The following SLC16A10 variants were observed in gnomAD, a reference collection of about 807,000 sequenced individuals.
SLC16A10 encodes the protein monocarboxylate transporter 10.
SLC16A10 carries 27 observed loss-of-function variants against 40.0 expected under a neutral mutation model. The observed-to-expected ratio is 0.67, with a 90% CI of 0.50 to 0.93. SLC16A10 has a LOEUF of 0.93. Among genes scored for constraint, SLC16A10 ranks in the 40% least tolerant of loss-of-function variants. The pLI is 0.00. For missense variants in SLC16A10, 529 were observed against 658.2 expected (o/e 0.80, Z 2.15); for synonymous variants, 213 against 249.8 (o/e 0.85, Z 1.39).
At chr6:111,111,176 T>C (rs1277247859) in intron 1 of SLC16A10, among the ~76,000 whole-genome samples, 3 of 152,230 alleles carry the variant, frequency 2.0e-5, no homozygotes, top group African/African-American at 7.2e-5. Flanking sequence ...GGGCAAATTT[T>C]ATGCTATAAA....
chr6:111,221,689 T>C (rs372042658), intron 5 of SLC16A10, among the ~76,000 whole-genome samples: 1 of 151,590 alleles, frequency 6.6e-6, no homozygotes, highest in Non-Finnish European at 1.5e-5. Context: ...AAGGCCTGCA[T>C]GAGCCATGAT....
chr6:111,088,229 G>A lies in SLC16A10; in HGVS notation c.343+134G>A, dbSNP rs1019935570. 58 of 857,610 alleles carry A rather than the reference G, an allele frequency of 6.8e-5. 1 individual carries two copies. The highest frequency in any genetic ancestry group is 9.2e-5 in the Non-Finnish European group (53 of 575,260). The allele number at this position is 857,610 out of a possible 1,614,324, so 53.1% of individuals were successfully genotyped here. On this transcript the variant is annotated intron_variant, in intron 1 of 5. Coordinates refer to ENST00000368851, the MANE Select transcript of SLC16A10 (RefSeq NM_018593.5). Reference sequence around the variant, plus strand: ...CTGTGCCAGAGGGTGCGAGCAGGGGGGTCTTTCGAGTTGCAGACAGAGCCT... The same window carrying A: ...CTGTGCCAGAGGGTGCGAGCAGGGGAGTCTTTCGAGTTGCAGACAGAGCCT...
intron 1 of SLC16A10, among the ~76,000 whole-genome samples, chr6:111,109,381 C>T (rs1203017146): frequency 6.6e-6 from 1 of 151,482 alleles, no homozygotes; most frequent in Non-Finnish European, 1.5e-5. Flanking sequence ...TGAGATTTCT[C>T]CTTGTTGTGG....
chr6:111,087,675 C>T lies in SLC16A10; in HGVS notation c.-78C>T. ...TCGGCCTCGTTAGCCCGCCAGGAGC[C>T]CCGCAGCTCCTCCGGGAGCCCGCTG... On this transcript the variant is annotated 5_prime_UTR_variant, in exon 1 of 6. Transcript: ENST00000368851. 1.2e-6 allele frequency: 1 copy of T among 852,984 alleles called. No individual in the cohort carries two copies. Among genetic ancestry groups the T allele is most frequent in the Non-Finnish European group, 1.5e-6 (1 of 654,382 alleles). 52.8% of individuals were successfully genotyped at this position (852,984 alleles called of 1,614,324 possible). A position where few individuals can be genotyped will look rare whatever the true frequency, so the allele number is the denominator to read the frequency against.
chr6:111,215,094 G>C (rs1386174844), intron 4 of SLC16A10, among the ~76,000 whole-genome samples: 1 of 151,810 alleles, frequency 6.6e-6, no homozygotes, highest in African/African-American at 2.4e-5. Context: ...ACTCCAGCCT[G>C]GGTGACAGAG....
intron 1 of SLC16A10, among the ~76,000 whole-genome samples, chr6:111,100,643 A>G (rs922537340): frequency 6.6e-6 from 1 of 152,000 alleles, no homozygotes; most frequent in African/African-American, 2.4e-5. Flanking sequence ...TCGGCCTACC[A>G]AAGTGCTGTG....
chr6:111,146,430 T>C (rs1772077749), intron 1 of SLC16A10, among the ~76,000 whole-genome samples: 1 of 152,164 alleles, frequency 6.6e-6, no homozygotes, highest in Non-Finnish European at 1.5e-5. Flanking sequence ...TTTAGGTGTA[T>C]ACCCAAGACA....
chr6:111,117,083 G>A (rs952983149), intron 1 of SLC16A10, among the ~76,000 whole-genome samples: 9 of 151,980 alleles, frequency 5.9e-5, no homozygotes, highest in Non-Finnish European at 7.4e-5. Flanking sequence ...AGGTGTGGTG[G>A]GTCATGCCTG....
intron 1 of SLC16A10, among the ~76,000 whole-genome samples, chr6:111,155,501 A>C (rs1772255278): frequency 1.3e-5 from 2 of 152,136 alleles, no homozygotes; most frequent in African/African-American, 4.8e-5. Context: ...CGCCTGGCCC[A>C]AAAAACATAA....
rs554914010 is a variant in SLC16A10 at position 111,144,744 on chromosome 6, A to C, written c.344-27951A>C. Among the ~76,000 whole-genome samples, 4 of 152,346 alleles carry C rather than the reference A, an allele frequency of 2.6e-5. No individual in the cohort carries two copies. In the East Asian group the frequency reaches 7.7e-4, roughly 29 times the overall value. ...ATTGCAGTGATGTTGGCACAGGTAC[A>C]TCCATATGTCAAGATTTCTTGTTGA... On this transcript the variant is annotated intron_variant, in intron 1 of 5. Transcript: ENST00000368851.
chr6:111,093,779 T>C (rs1446249693), intron 1 of SLC16A10, among the ~76,000 whole-genome samples: 1 of 152,202 alleles, frequency 6.6e-6, no homozygotes, highest in Non-Finnish European at 1.5e-5. Context: ...CTGATTGTTA[T>C]TTACACTGGA....
intron 4 of SLC16A10, among the ~76,000 whole-genome samples, chr6:111,208,056 C>T (rs1773283660): frequency 6.6e-6 from 1 of 152,156 alleles, no homozygotes; most frequent in Non-Finnish European, 1.5e-5. Context: ...GCAGCCTCAA[C>T]ATCCCGGGCT....
chr6:111,180,766 C>T (rs572354722), intron 3 of SLC16A10, among the ~76,000 whole-genome samples: 1 of 151,638 alleles, frequency 6.6e-6, no homozygotes, highest in African/African-American at 2.4e-5. Flanking sequence ...ATGATTGTGC[C>T]ACTGCACGCC....
intron 1 of SLC16A10, among the ~76,000 whole-genome samples, chr6:111,098,607 G>A (rs1216390950): frequency 6.6e-6 from 1 of 152,090 alleles, no homozygotes; most frequent in African/African-American, 2.4e-5. Context: ...TGACTTTTCT[G>A]TGTAGATAAG....
intron 4 of SLC16A10, among the ~76,000 whole-genome samples, chr6:111,210,597 T>G: frequency 6.6e-6 from 1 of 152,118 alleles, no homozygotes. Context: ...CCTGAGTTCC[T>G]AAAGCAAGCC....
rs1347721068 is a variant in SLC16A10, at chr6:111,223,063, G to T, written c.*828G>T. 1.4e-5 allele frequency: 2 copies of T among 142,320 alleles called. No individual in the cohort carries two copies. Among genetic ancestry groups the T allele is most frequent in the African/African-American group, 5.0e-5 (2 of 39,924 alleles). The allele number at this position is 142,320 out of a possible 1,614,324, so 8.8% of individuals were successfully genotyped here. ...TAGAATTTTTCTGACTTCTGGATTT[G>T]TTGGCACTAGAACCTGATATTTAAA... On this transcript the variant is annotated 3_prime_UTR_variant, in exon 6 of 6. Coordinates refer to ENST00000368851, the MANE Select transcript of SLC16A10 (RefSeq NM_018593.5).
chr6:111,192,314 G>A (rs117080580), intron 3 of SLC16A10, among the ~76,000 whole-genome samples: 2,904 of 152,184 alleles, frequency 0.019, 31 homozygotes, highest in Admixed American at 0.035. Context: ...TCTTTGTATA[G>A]CAAGTGTGAC....
chr6:111,203,778 A>C (rs532608281), intron 3 of SLC16A10, among the ~76,000 whole-genome samples: 3 of 143,974 alleles, frequency 2.1e-5, no homozygotes, highest in African/African-American at 7.4e-5. Flanking sequence ...TAGTTGAAAA[A>C]CTAAGTTCCT....
At chr6:111,217,449 G>GTTGT (rs138661224) in intron 4 of SLC16A10, among the ~76,000 whole-genome samples, 42,519 of 151,856 alleles carry the variant, frequency 0.28, 6,029 homozygotes, top group Non-Finnish European at 0.31. Context: ...TGTTGTTGTT[G>GTTGT]TTGTTGTTGT....
Sources: gnomAD v4.1 joint callset for allele counts (sites outside exome capture counted in the v4.1 genomes callset) on GRCh38, gnomAD v4.1.1 for gene constraint, MANE v1.5 for transcripts, NCBI Gene and HGNC (gene_info 2026-07-23, HGNC 2026-07-21) for gene names.